Variants in RANBP17 observed in about 807,000 individuals in gnomAD.
RANBP17 encodes ran-binding protein 17.
In RANBP17, 158 loss-of-function variants were observed where a neutral mutation model predicts 141.2. The observed-to-expected ratio is 1.12, with a 90% CI of 0.98 to 1.28. The LOEUF (loss-of-function observed/expected upper bound fraction) is 1.28. RANBP17 is among the 50% of genes most tolerant of loss of function. The pLI is 0.00. For synonymous variants in RANBP17, 430 were observed against 450.0 expected (o/e 0.96, Z 0.56); for missense variants, 1,438 against 1,290.7 (o/e 1.11, Z -1.75).
At chr5:170,871,921 G>C (rs60499897) in intron 1 of RANBP17, among the ~76,000 whole-genome samples, 5 of 152,184 alleles carry the variant, frequency 3.3e-5, no homozygotes, top group African/African-American at 1.2e-4. Flanking sequence ...AGTTACTGTA[G>C]CCTTGCAGTA....
In RANBP17 at chr5:171,078,297, G is replaced by T. The variant is rs1213837369; in HGVS notation, c.1711-91833G>T. Among the ~76,000 whole-genome samples, 5 of 151,916 alleles carry T rather than the reference G, an allele frequency of 3.3e-5. No homozygotes were observed. The South Asian group carries it at 6.2e-4, about 19-fold the overall frequency. ...CATGCCTCAGCCACCTGAGTAGCTG[G>T]GATTACAGGCACCTGCCACCACGCC... On this transcript the variant is annotated intron_variant, in intron 14 of 27. Transcript: ENST00000523189.
intron 14 of RANBP17, among the ~76,000 whole-genome samples, chr5:171,087,193 C>A (rs1383041696): frequency 6.6e-6 from 1 of 150,910 alleles, no homozygotes; most frequent in African/African-American, 2.4e-5. Flanking sequence ...CAAAGAACAT[C>A]TTTATTTCTG....
rs769188137 is a variant in RANBP17, at chr5:171,241,070, G to C, written c.2565G>C (p.Gly855=). 1.9e-6 allele frequency: 3 copies of C among 1,613,680 alleles called. No individual in the cohort carries two copies. Among genetic ancestry groups the C allele is most frequent in the Non-Finnish European group, 2.5e-6 (3 of 1,179,864 alleles). Residue 855 remains glycine (G), a synonymous_variant, in exon 23 of 28, where the codon GGG becomes GGC. Coordinates refer to ENST00000523189, the MANE Select transcript of RANBP17 (RefSeq NM_022897.5). The stretch of plus-strand genomic sequence containing the variant: ...GCTTTGGCGTCTTCAAGTTGTATGG[G>C]GACAACCATTTTGACAATGTACTCC... ...YVSFGVFKLY[G]DNHFDNVLQA... is the part of the protein sequence containing the mutation.
chr5:171,224,020 G>GGAT (rs1468186730), intron 22 of RANBP17, among the ~76,000 whole-genome samples: 11 of 152,146 alleles, frequency 7.2e-5, no homozygotes, highest in Non-Finnish European at 1.5e-4. Context: ...AGCTATTCTG[G>GGAT]TAAAAGGCCT....
chr5:171,029,648 G>A (rs1183092694), intron 14 of RANBP17, among the ~76,000 whole-genome samples: 1 of 152,036 alleles, frequency 6.6e-6, no homozygotes, highest in Non-Finnish European at 1.5e-5. Context: ...AGTGGTCATA[G>A]CTAATTGAAA....
chr5:170,990,820 A>G (rs1296440615), intron 14 of RANBP17, among the ~76,000 whole-genome samples: 1 of 151,986 alleles, frequency 6.6e-6, no homozygotes, highest in Non-Finnish European at 1.5e-5. Context: ...TTATAGGTAA[A>G]GAGGCAGTGA....
intron 5 of RANBP17, among the ~76,000 whole-genome samples, chr5:170,905,373 T>C (rs1023552618): frequency 3.9e-5 from 6 of 152,132 alleles, no homozygotes; most frequent in Non-Finnish European, 7.4e-5. Context: ...CATATAGATG[T>C]ATATATGTAG....
At chr5:170,950,744 GAA>G (rs1775147417) in intron 12 of RANBP17, among the ~76,000 whole-genome samples, 2 of 152,114 alleles carry the variant, frequency 1.3e-5, no homozygotes, top group South Asian at 4.1e-4. Flanking sequence ...TATCCAAAGG[GAA>G]AGAGTTCAGT....
intron 3 of RANBP17, among the ~76,000 whole-genome samples, chr5:170,890,860 T>TA (rs1769535679): frequency 6.6e-6 from 1 of 152,206 alleles, no homozygotes; most frequent in Non-Finnish European, 1.5e-5. Context: ...TATTTTATCA[T>TA]ATTATACTGT....
At chr5:171,145,379 T>C (rs898967448) in intron 14 of RANBP17, among the ~76,000 whole-genome samples, 7 of 152,138 alleles carry the variant, frequency 4.6e-5, no homozygotes, top group Non-Finnish European at 8.8e-5. Flanking sequence ...TTACACTTTC[T>C]CCTAAGCAAG....
chr5:171,021,931 C>T (rs1342490886), intron 14 of RANBP17, among the ~76,000 whole-genome samples: 1 of 152,094 alleles, frequency 6.6e-6, no homozygotes, highest in African/African-American at 2.4e-5. Context: ...TTTGAGGCTG[C>T]TAACCCTTGA....
chr5:171,060,646 A>G (rs1162396172), intron 14 of RANBP17, among the ~76,000 whole-genome samples: 1 of 151,924 alleles, frequency 6.6e-6, no homozygotes, highest in Admixed American at 6.6e-5. Flanking sequence ...TGTCTCTGCC[A>G]GGCTTTGGTA....
rs762677793 is a variant in RANBP17 at position 171,171,234 on chromosome 5, T to C, written c.1813T>C (p.Tyr605His). The C allele has an allele frequency of 8.1e-6, 13 of 1,597,244 alleles. No homozygotes were observed. Among genetic ancestry groups the C allele is most frequent in the Middle Eastern group, 1.7e-4 (1 of 5,972 alleles). ...TACAAACCTTAAATACTGGGGAAGA[T>C]ATGAGCCTGTAATTTCAAGGACTCT... is the stretch of plus-strand genomic sequence containing the variant. ...IVTNLKYWGR[Y>H]EPVISRTLQF... Residue 605 changes from tyrosine (Y) to histidine (H), a missense_variant, in exon 16 of 28, where the codon TAT becomes CAT. Tyr to His is a moderately conservative substitution (Grantham distance 83). Coordinates refer to ENST00000523189, the MANE Select transcript of RANBP17 (RefSeq NM_022897.5).
In RANBP17 at chr5:171,298,791, G is replaced by T. The variant is rs1415828765; in HGVS notation, c.3200G>T (p.Arg1067Ile). 1 of 1,614,170 alleles carries T rather than the reference G, an allele frequency of 6.2e-7. No individual in the cohort carries two copies. The highest frequency in any genetic ancestry group is 1.7e-5 in the Admixed American group (1 of 60,032). The stretch of plus-strand genomic sequence containing the variant: ...ACCCAAAATCTGTCTGTATTCAGAA[G>T]AGATGTGGCAGAGGCGTTGCGCAGT... ...RFTQNLSVFRRDVAEALRSDG... is the reference protein window; with the variant it reads ...RFTQNLSVFRIDVAEALRSDG... The change falls in exon 28 of 28, where the codon AGA (arginine) becomes ATA (isoleucine). Residue 1067 changes from arginine to isoleucine, a missense_variant. Physicochemically the swap from Arg to Ile is moderately conservative, Grantham distance 97. Transcript: ENST00000523189.
chr5:171,255,540 A>G lies in RANBP17; in HGVS notation c.2777-10141A>G, dbSNP rs1467187516. Among the ~76,000 whole-genome samples, 5 of 152,170 alleles carry G rather than the reference A, an allele frequency of 3.3e-5. No homozygotes were observed. In the East Asian group the frequency reaches 9.6e-4, roughly 29 times the overall value. ...CATACCTTGTTCACATCTACACCAT[A>G]CTTCATAGTATGATTTGTAAGGGGA... On this transcript the variant is annotated intron_variant, in intron 24 of 27. Coordinates refer to ENST00000523189, the MANE Select transcript of RANBP17 (RefSeq NM_022897.5).
chr5:170,906,768 T>A (rs754848859), intron 5 of RANBP17, among the ~76,000 whole-genome samples: 1 of 151,964 alleles, frequency 6.6e-6, no homozygotes, highest in Non-Finnish European at 1.5e-5. Flanking sequence ...CAATAGGACC[T>A]TTTTCAAGCT....
intron 12 of RANBP17, among the ~76,000 whole-genome samples, chr5:170,940,580 A>G (rs1240493742): frequency 6.6e-6 from 1 of 152,172 alleles, no homozygotes; most frequent in Non-Finnish European, 1.5e-5. Flanking sequence ...TACTTAGTGA[A>G]GTAGTATCAA....
chr5:171,107,007 G>A (rs1232817983), intron 14 of RANBP17, among the ~76,000 whole-genome samples: 1 of 147,970 alleles, frequency 6.8e-6, no homozygotes, highest in Non-Finnish European at 1.5e-5. Context: ...TTGGGGTTTA[G>A]GACCCACGTA....
intron 3 of RANBP17, among the ~76,000 whole-genome samples, chr5:170,883,736 T>C (rs1371126915): frequency 6.6e-6 from 1 of 152,196 alleles, no homozygotes; most frequent in Admixed American, 6.5e-5. Context: ...CTTCTTTCAC[T>C]TAGTAATATG....
Sources: gnomAD v4.1 joint callset for allele counts (sites outside exome capture counted in the v4.1 genomes callset) on GRCh38, gnomAD v4.1.1 for gene constraint, MANE v1.5 for transcripts, NCBI Gene and HGNC (gene_info 2026-07-23, HGNC 2026-07-21) for gene names.